Variants in LMBR1 observed in about 807,000 individuals in gnomAD.
The protein encoded by LMBR1 is limb region 1 protein homolog.
In LMBR1, 52 loss-of-function variants were observed where a neutral mutation model predicts 73.9. The ratio of observed to expected loss-of-function variants is 0.70; its 90% CI spans 0.56 to 0.89. LMBR1 has a LOEUF of 0.89. Ranked by LOEUF, LMBR1 falls within the 40% of genes least tolerant of loss-of-function variation. The probability of loss-of-function intolerance (pLI) is 0.00; values close to 1 mark genes in which losing one functional copy is unlikely to be tolerated. For synonymous variants in LMBR1, 215 were observed against 209.4 expected, an observed-to-expected ratio of 1.03 and a Z score of -0.23; for missense variants, 539 against 579.8, an observed-to-expected ratio of 0.93 and a Z score of 0.72.
intron 5 of LMBR1, among the ~76,000 whole-genome samples, chr7:156,772,796 C>T (rs117927369): frequency 0.04 from 6,006 of 150,130 alleles, 175 homozygotes; most frequent in Non-Finnish European, 0.049. Context: ...TGCAGCAAGC[C>T]GAGATTGTGC....
chr7:156,891,231 T>TACAC (rs1212264746), intron 1 of LMBR1, among the ~76,000 whole-genome samples: 1 of 78,992 alleles, frequency 1.3e-5, no homozygotes, highest in African/African-American at 5.2e-5. Flanking sequence ...TATATATATA[T>TACAC]ATACACACAC....
At chr7:156,704,333 A>G (rs1323078325) in intron 15 of LMBR1, among the ~76,000 whole-genome samples, 2 of 152,198 alleles carry the variant, frequency 1.3e-5, no homozygotes, top group African/African-American at 4.8e-5. Flanking sequence ...CAGCTACCAC[A>G]AAGGCTATTT....
intron 1 of LMBR1, among the ~76,000 whole-genome samples, chr7:156,882,499 G>GA (rs1230820934): frequency 2.0e-5 from 3 of 152,058 alleles, no homozygotes; most frequent in Admixed American, 6.5e-5. Flanking sequence ...TAACCTAAGT[G>GA]AAAAAAAGAG....
chr7:156,688,271 G>A, intron 15 of LMBR1, 80 bp from the exon 16 acceptor site: 1 of 962,460 alleles, frequency 1.0e-6, no homozygotes, highest in Non-Finnish European at 1.5e-6. Flanking sequence ...GTACAAGTTA[G>A]ATCGAATTCT....
intron 4 of LMBR1, among the ~76,000 whole-genome samples, chr7:156,826,181 T>C (rs867467441): frequency 6.6e-6 from 1 of 152,042 alleles, no homozygotes; most frequent in Admixed American, 6.6e-5. Flanking sequence ...GGTTTCTCCA[T>C]GTTGGCCAGG....
chr7:156,816,215 C>G (rs1435590752), intron 4 of LMBR1, among the ~76,000 whole-genome samples: 1 of 150,590 alleles, frequency 6.6e-6, no homozygotes, highest in Non-Finnish European at 1.5e-5. Context: ...TTTTTCTTTT[C>G]TCTTTTTGGA....
chr7:156,803,789 T>A (rs1204105936), intron 4 of LMBR1, among the ~76,000 whole-genome samples: 4 of 151,796 alleles, frequency 2.6e-5, no homozygotes, highest in Non-Finnish European at 5.9e-5. Context: ...GTGGCACATA[T>A]ACACCATGGA....
chr7:156,780,479 A>G (rs887306273), intron 5 of LMBR1, among the ~76,000 whole-genome samples: 2 of 152,218 alleles, frequency 1.3e-5, no homozygotes, highest in African/African-American at 4.8e-5. Context: ...TATGGTAACT[A>G]GATATCAAAA....
Position 156,684,175 on chromosome 7 carries a change from T to G in LMBR1, c.1388-12A>C. ...AAGTTTATGAAGCCCTGCAAAAAAATTAAGAAAATGGTGAGAAATGATATA... is the reference window on the plus strand; with the variant it reads ...AAGTTTATGAAGCCCTGCAAAAAAAGTAAGAAAATGGTGAGAAATGATATA... On this transcript the variant is annotated splice_polypyrimidine_tract_variant and intron_variant, in intron 16 of 16. Coordinates refer to ENST00000353442, the MANE Select transcript of LMBR1 (RefSeq NM_022458.4). 1 of 1,603,770 alleles carries G rather than the reference T, an allele frequency of 6.2e-7. No individual in the cohort carries two copies. The highest frequency in any genetic ancestry group is 2.2e-5 in the East Asian group (1 of 44,834).
intron 1 of LMBR1, among the ~76,000 whole-genome samples, chr7:156,871,284 G>C (rs188322880): frequency 1.3e-5 from 2 of 152,282 alleles, no homozygotes; most frequent in Non-Finnish European, 2.9e-5. Flanking sequence ...GAAGTATGCA[G>C]ACTGAATCAG....
At chr7:156,747,325 C>A (rs1820029733) in intron 9 of LMBR1, among the ~76,000 whole-genome samples, 1 of 152,064 alleles carries the variant, frequency 6.6e-6, no homozygotes, top group Non-Finnish European at 1.5e-5. Flanking sequence ...CTTTTCCCAG[C>A]TTTATTCTTA....
intron 5 of LMBR1, among the ~76,000 whole-genome samples, chr7:156,783,739 T>C (rs1222830195): frequency 3.9e-5 from 6 of 152,206 alleles, no homozygotes; most frequent in Non-Finnish European, 8.8e-5. Flanking sequence ...TGCAGTTTCA[T>C]TAGGACTCAT....
chr7:156,765,722 G>T (rs1373522335), intron 5 of LMBR1, among the ~76,000 whole-genome samples: 1 of 152,064 alleles, frequency 6.6e-6, no homozygotes, highest in Admixed American at 6.5e-5. Context: ...ATGCAGATTT[G>T]TTCTAGCGTT....
intron 1 of LMBR1, among the ~76,000 whole-genome samples, chr7:156,859,019 C>T (rs370067741): frequency 3.3e-5 from 5 of 151,946 alleles, no homozygotes; most frequent in African/African-American, 9.7e-5. Flanking sequence ...TTTGGGAGGC[C>T]GAGGCAGGCA....
chr7:156,716,414 A>G (rs956805220), intron 15 of LMBR1, among the ~76,000 whole-genome samples: 3 of 152,232 alleles, frequency 2.0e-5, no homozygotes, highest in African/African-American at 4.8e-5. Flanking sequence ...AGTCGTCCAG[A>G]ACTAGAGTAT....
chr7:156,766,960 T>C (rs563295937), intron 5 of LMBR1, among the ~76,000 whole-genome samples: 2 of 152,292 alleles, frequency 1.3e-5, no homozygotes, highest in East Asian at 1.9e-4. Context: ...TGTAGACCAA[T>C]GCCTAAACTG....
intron 1 of LMBR1, among the ~76,000 whole-genome samples, chr7:156,849,867 A>G (rs1796007313): frequency 6.6e-6 from 1 of 152,204 alleles, no homozygotes; most frequent in Non-Finnish European, 1.5e-5. Flanking sequence ...GTCATCAACC[A>G]TAACAAATTT....
chr7:156,873,489 G>A (rs939130694), intron 1 of LMBR1, among the ~76,000 whole-genome samples: 12 of 152,080 alleles, frequency 7.9e-5, no homozygotes, highest in South Asian at 2.1e-4. Flanking sequence ...ATGCTGGCTC[G>A]GGCAGCCTGC....
chr7:156,796,532 G>A (rs866060478), intron 4 of LMBR1, 40 bp from the exon 5 acceptor site: 3 of 1,344,982 alleles, frequency 2.2e-6, no homozygotes, highest in Middle Eastern at 4.6e-4. Flanking sequence ...AAACAGGTTA[G>A]ATATTGAAAT....
Sources: gnomAD v4.1 joint callset for allele counts (sites outside exome capture counted in the v4.1 genomes callset) on GRCh38, gnomAD v4.1.1 for gene constraint, MANE v1.5 for transcripts, NCBI Gene and HGNC (gene_info 2026-07-23, HGNC 2026-07-21) for gene names.